The following NDRG2 variants were observed in gnomAD, a reference collection of about 807,000 sequenced individuals.
The protein encoded by NDRG2 is NDRG family member 2, also known as protein NDRG2.
Under a neutral mutation model 58.2 loss-of-function variants are expected in NDRG2, and 34 were observed. That is an observed-to-expected ratio of 0.58 (90% confidence interval 0.44 to 0.78). The LOEUF (loss-of-function observed/expected upper bound fraction) is 0.78. NDRG2 is among the 30% of genes least tolerant of loss of function. The pLI, the probability that NDRG2 is intolerant of heterozygous loss-of-function variation, is 0.00. For synonymous variants in NDRG2, 187 were observed against 175.9 expected, an observed-to-expected ratio of 1.06 and a Z score of -0.50; for missense variants, 434 against 471.2, an observed-to-expected ratio of 0.92 and a Z score of 0.73.
intron 1 of NDRG2, among the ~76,000 whole-genome samples, chr14:21,062,018 T>TA (rs1266626313): frequency 6.6e-6 from 1 of 152,230 alleles, no homozygotes; most frequent in Non-Finnish European, 1.5e-5. Flanking sequence ...ATTAACTACT[T>TA]ACAAATAAGA....
intron 1 of NDRG2, chr14:21,058,224 C>A (rs770102071): frequency 1.9e-6 from 3 of 1,614,150 alleles, no homozygotes; most frequent in Non-Finnish European, 1.7e-6. Flanking sequence ...GGTGAGCTCA[C>A]CTCAGGGAAG....
intron 1 of NDRG2, among the ~76,000 whole-genome samples, chr14:21,036,723 GT>G (rs1282181040): frequency 2.0e-5 from 3 of 152,110 alleles, no homozygotes; most frequent in Non-Finnish European, 4.4e-5. Flanking sequence ...CTGCTGCACC[GT>G]TCCTCGCCCC....
At chr14:21,060,243 G>T (rs996850660) in intron 1 of NDRG2, among the ~76,000 whole-genome samples, 4 of 152,126 alleles carry the variant, frequency 2.6e-5, no homozygotes, top group African/African-American at 9.7e-5. Context: ...ATGCTTTCTA[G>T]AACTAGAACT....
intron 1 of NDRG2, among the ~76,000 whole-genome samples, chr14:21,063,244 G>A (rs540452347): frequency 9.9e-5 from 15 of 152,280 alleles, no homozygotes; most frequent in African/African-American, 2.9e-4. Context: ...GTGTGTGTGT[G>A]TATATAAACA....
intron 1 of NDRG2, among the ~76,000 whole-genome samples, chr14:21,039,455 TCTC>T (rs1439260460): frequency 6.6e-6 from 1 of 152,184 alleles, no homozygotes; most frequent in Non-Finnish European, 1.5e-5. Context: ...GAGTCTTTCT[TCTC>T]CTCCTGTGAA....
In NDRG2 at chr14:21,024,618, G is replaced by A. The variant is rs114484261; in HGVS notation, c.-595C>T. 1.9e-3 allele frequency: 1,853 copies of A among 983,980 alleles called. 25 individuals are homozygous for A. In the African/African-American group the frequency reaches 0.028, roughly 15 times the overall value. The allele number at this position is 983,980 out of a possible 1,614,324, so 61.0% of individuals were successfully genotyped here. On this transcript the variant is annotated 5_prime_UTR_variant, in exon 1 of 16. Coordinates refer to ENST00000556147, the MANE Select transcript of NDRG2 (RefSeq NM_001320329.2). ...TACTCAGTCTCCGTGTAGGTCCCAC[G>A]AGTGGAGAAAGGGAGAGGAGAGCGG...
In NDRG2 at chr14:21,070,378, C is replaced by A; in HGVS notation, c.24+450G>T. ...CCCGCCCGCCCGACCAAGCGTCGGA[C>A]GCGGCCCGGCGCCGAGCCATGGTGA... On this transcript the variant is annotated intron_variant, in intron 1 of 14. Transcript: ENST00000403829. This position sits in a 1 kb window ranked among gnomAD's most constrained non-coding sequence, Gnocchi z 4.7. 7.1e-7 allele frequency: 1 copy of A among 1,406,052 alleles called. No individual in the cohort carries two copies. Among genetic ancestry groups the A allele is most frequent in the Non-Finnish European group, 9.2e-7 (1 of 1,088,818 alleles). 87.1% of individuals were successfully genotyped at this position (1,406,052 alleles called of 1,614,324 possible). A position where few individuals can be genotyped will look rare whatever the true frequency, so the allele number is the denominator to read the frequency against.
chr14:21,066,501 G>A (rs1886274875), intron 1 of NDRG2, among the ~76,000 whole-genome samples: 1 of 152,076 alleles, frequency 6.6e-6, no homozygotes, highest in Non-Finnish European at 1.5e-5. Context: ...TGTATTTTTA[G>A]TAGAGACAGG....
chr14:21,020,069 G>A, intron 8 of NDRG2, 93 bp from the exon 9 acceptor site: 1 of 1,170,640 alleles, frequency 8.5e-7, no homozygotes, highest in Non-Finnish European at 1.3e-6. Flanking sequence ...GCCGAGGCGG[G>A]TGGATCACGA....
chr14:21,049,988 G>C (rs901437601), intron 1 of NDRG2, among the ~76,000 whole-genome samples: 2 of 152,058 alleles, frequency 1.3e-5, no homozygotes, highest in Admixed American at 6.6e-5. Flanking sequence ...TGTTGGTCAG[G>C]CTGCTCTTGA....
intron 1 of NDRG2, chr14:21,042,190 A>G (rs1884928637): frequency 6.6e-6 from 1 of 152,232 alleles, no homozygotes; most frequent in Non-Finnish European, 1.5e-5. Flanking sequence ...ATTGCTGAAC[A>G]TGTTTAGGCA....
At chr14:21,068,944 C>G (rs969492077) in intron 1 of NDRG2, among the ~76,000 whole-genome samples, 3 of 152,262 alleles carry the variant, frequency 2.0e-5, no homozygotes, top group African/African-American at 7.2e-5. Flanking sequence ...GCCTCCCCTC[C>G]CGCTGTTCCA....
At chr14:21,065,060 A>G (rs1168906290) in intron 1 of NDRG2, among the ~76,000 whole-genome samples, 2 of 152,042 alleles carry the variant, frequency 1.3e-5, no homozygotes, top group Non-Finnish European at 1.5e-5. Flanking sequence ...AATCCCAGCT[A>G]CTTGGGAGGC....
At chr14:21,043,230 G>T (rs1453969198) in intron 1 of NDRG2, 1 of 1,614,050 alleles carries the variant, frequency 6.2e-7, no homozygotes, top group African/African-American at 1.3e-5. Context: ...CTCCAGTGTG[G>T]CCGCCACCTG....
intron 1 of NDRG2, among the ~76,000 whole-genome samples, chr14:21,055,373 T>G (rs940474255): frequency 2.0e-5 from 3 of 152,232 alleles, no homozygotes; most frequent in South Asian, 2.1e-4. Context: ...GATTCTATAT[T>G]TGACTTTTCC....
Position 21,024,513 on chromosome 14 carries a change from G to C in NDRG2, c.-490C>G, listed in dbSNP as rs1045929357. 2.0e-6 allele frequency: 2 copies of C among 985,210 alleles called. No individual in the cohort carries two copies. The highest frequency in any genetic ancestry group is 2.4e-6 in the Non-Finnish European group (2 of 829,844). 61.0% of individuals were successfully genotyped at this position (985,210 alleles called of 1,614,324 possible). On this transcript the variant is annotated 5_prime_UTR_variant, in exon 1 of 16. Transcript: ENST00000556147. ...AAAATTTTTGACAGCTCTCCAGTAA[G>C]AGGAGGGTAGCAGAGCATGGCTGTT... is the stretch of plus-strand genomic sequence containing the variant.
intron 1 of NDRG2, among the ~76,000 whole-genome samples, chr14:21,037,418 C>T (rs1298306841): frequency 6.6e-6 from 1 of 152,212 alleles, no homozygotes; most frequent in Non-Finnish European, 1.5e-5. Context: ...GGATGAAAAA[C>T]TAAGTTCTAG....
At chr14:21,061,050 G>A (rs1367545462) in intron 1 of NDRG2, among the ~76,000 whole-genome samples, 1 of 152,150 alleles carries the variant, frequency 6.6e-6, no homozygotes, top group Non-Finnish European at 1.5e-5. Context: ...TTGTTGAGAG[G>A]GCGAGATTAA....
chr14:21,023,970 G>C, intron 1 of NDRG2, 60 bp downstream of exon 1: 1 of 986,608 alleles, frequency 1.0e-6, no homozygotes, highest in Non-Finnish European at 1.2e-6. Context: ...GTGAGGAGCA[G>C]AGCACCTGGA....
Sources: gnomAD v4.1 joint callset for allele counts (sites outside exome capture counted in the v4.1 genomes callset) on GRCh38, gnomAD v4.1.1 for gene constraint, Gnocchi (gnomAD v3.1) non-coding constraint, MANE v1.5 for transcripts, NCBI Gene and HGNC (gene_info 2026-07-23, HGNC 2026-07-21) for gene names.